MBOAT1: variants seen among roughly 807,000 people sequenced by gnomAD.
The protein encoded by MBOAT1 is membrane bound glycerophospholipid O-acyltransferase 1.
In MBOAT1, 67 loss-of-function variants were observed where a neutral mutation model predicts 64.4. That is an observed-to-expected ratio of 1.04 (90% confidence interval 0.85 to 1.27). The LOEUF is 1.27. MBOAT1 is among the 50% of genes most tolerant of loss of function. MBOAT1 has a pLI of 0.00. For synonymous variants in MBOAT1, 229 were observed against 218.9 expected, an observed-to-expected ratio of 1.05 and a Z score of -0.41; for missense variants, 563 against 604.6, an observed-to-expected ratio of 0.93 and a Z score of 0.72.
At chr6:20,208,383 T>G (rs903921361) in intron 1 of MBOAT1, among the ~76,000 whole-genome samples, 4 of 141,508 alleles carry the variant, frequency 2.8e-5, no homozygotes, top group African/African-American at 1.0e-4. Context: ...GAGGCGGAGG[T>G]TGCACTGAGC....
At chr6:20,115,653 A>G (rs1315648036) in intron 9 of MBOAT1, among the ~76,000 whole-genome samples, 1 of 152,210 alleles carries the variant, frequency 6.6e-6, no homozygotes, top group Non-Finnish European at 1.5e-5. Context: ...AAATTTTTTA[A>G]GCCATCTGAA....
intron 1 of MBOAT1, among the ~76,000 whole-genome samples, chr6:20,180,606 C>T (rs1255295393): frequency 6.6e-6 from 1 of 152,190 alleles, no homozygotes; most frequent in Non-Finnish European, 1.5e-5. Context: ...TGGCACTAAG[C>T]TCAAGACTTG....
intron 6 of MBOAT1, among the ~76,000 whole-genome samples, chr6:20,127,390 C>T (rs986845129): frequency 1.3e-5 from 2 of 152,194 alleles, no homozygotes; most frequent in African/African-American, 4.8e-5. Flanking sequence ...AGCAGGGATT[C>T]CCAACCCCTG....
intron 9 of MBOAT1, 95 bp downstream of exon 9, chr6:20,118,342 T>C (rs2113641016): frequency 1.0e-6 from 1 of 969,620 alleles, no homozygotes; most frequent in Non-Finnish European, 1.6e-6. Flanking sequence ...AGCTTTTCTT[T>C]GGACACATGG....
At chr6:20,123,844 C>T (rs1760566281) in intron 8 of MBOAT1, among the ~76,000 whole-genome samples, 1 of 152,166 alleles carries the variant, frequency 6.6e-6, no homozygotes, top group Non-Finnish European at 1.5e-5. Flanking sequence ...ATCACGACGT[C>T]AGGAGATCGA....
At chr6:20,199,989 A>C (rs1035708354) in intron 1 of MBOAT1, among the ~76,000 whole-genome samples, 17 of 152,198 alleles carry the variant, frequency 1.1e-4, no homozygotes, top group African/African-American at 3.1e-4. Context: ...AAATAATGGA[A>C]TAATGTGCAG....
At chr6:20,103,686 C>T (rs1322693442) in intron 12 of MBOAT1, among the ~76,000 whole-genome samples, 1 of 152,212 alleles carries the variant, frequency 6.6e-6, no homozygotes, top group African/African-American at 2.4e-5. Flanking sequence ...CTCAGCCTCC[C>T]AAACTGCTGG....
At chr6:20,121,976 C>T (rs1046159168) in intron 8 of MBOAT1, among the ~76,000 whole-genome samples, 1 of 151,810 alleles carries the variant, frequency 6.6e-6, no homozygotes, top group East Asian at 1.9e-4. Context: ...ACCAGCCTGG[C>T]CAACATGGTG....
At position 20,152,633 on chromosome 6, in the gene MBOAT1, C is replaced by G. The variant is rs768076958; in HGVS notation, c.236G>C (p.Cys79Ser). 2 of 1,609,390 alleles carry G rather than the reference C, an allele frequency of 1.2e-6. No individual in the cohort carries two copies. The highest frequency in any genetic ancestry group is 4.5e-5 in the East Asian group (2 of 44,510). ...TIFGIYFVIFCFGWYSVHLFV... is the reference protein window; with the variant it reads ...TIFGIYFVIFSFGWYSVHLFV... ...TGAGGCTCATACTCACCAGCCGAAA[C>G]AAAAGATGACAAAATAGATGCCAAA... The change falls in exon 2 of 13, where the codon TGT becomes TCT. Residue 79 changes from cysteine to serine, a missense_variant. Coordinates refer to ENST00000324607, the MANE Select transcript of MBOAT1 (RefSeq NM_001080480.3).
rs533982183 is a variant in MBOAT1, at chr6:20,202,134, C to A, written c.99+10002G>T. 3.9e-5 allele frequency among the ~76,000 whole-genome samples: 6 copies of A among 152,192 alleles called. No homozygotes were observed. In the East Asian group the frequency reaches 1.2e-3, roughly 29 times the overall value. Reference sequence around the variant, plus strand: ...GCAACTTCCTGTAAGCCTTAGCAACCTTTTGCTGTGTACCTTTGCTGACTC... The same window carrying A: ...GCAACTTCCTGTAAGCCTTAGCAACATTTTGCTGTGTACCTTTGCTGACTC... On this transcript the variant is annotated intron_variant, in intron 1 of 12. Transcript: ENST00000324607.
At chr6:20,192,470 C>G (rs1762829140) in intron 1 of MBOAT1, among the ~76,000 whole-genome samples, 2 of 152,172 alleles carry the variant, frequency 1.3e-5, no homozygotes, top group Non-Finnish European at 2.9e-5. Context: ...AAGAGAGTCC[C>G]AAGAACACAT....
chr6:20,111,381 C>T (rs1409636784), intron 11 of MBOAT1, among the ~76,000 whole-genome samples: 1 of 152,152 alleles, frequency 6.6e-6, no homozygotes, highest in African/African-American at 2.4e-5. Flanking sequence ...TGAGATTTTA[C>T]TGGGTCATTT....
chr6:20,131,348 G>C, intron 4 of MBOAT1, 149 bp from the exon 5 acceptor site: 3 of 667,802 alleles, frequency 4.5e-6, no homozygotes, highest in Non-Finnish European at 8.1e-6. Context: ...TTGAATCATG[G>C]GGGCAGTTAC....
chr6:20,126,583 G>A lies in MBOAT1; in HGVS notation c.648C>T (p.His216=), dbSNP rs1363497909. The A allele has an allele frequency of 6.2e-7, 1 of 1,613,808 alleles. No individual in the cohort carries two copies. Among genetic ancestry groups the A allele is most frequent in the African/African-American group, 1.3e-5 (1 of 74,904 alleles). ...TCCAGTTCACCTCCAGCAACTTCAT[G>A]TGTATATGCTTCCCCTCAATGAAGG... ...YIAFIEGKHI[H]MKLLEVNWKR... The change falls in exon 7 of 13, where the codon CAC becomes CAT. Residue 216 remains histidine (H), a synonymous_variant. Coordinates refer to ENST00000324607, the MANE Select transcript of MBOAT1 (RefSeq NM_001080480.3).
At chr6:20,148,889 T>A (rs1399077395) in intron 3 of MBOAT1, among the ~76,000 whole-genome samples, 2 of 151,418 alleles carry the variant, frequency 1.3e-5, no homozygotes, top group African/African-American at 4.9e-5. Context: ...GATCACTAGG[T>A]CAAGAGATTG....
chr6:20,123,927 GGA>G (rs1266019947), intron 8 of MBOAT1, among the ~76,000 whole-genome samples: 1 of 152,086 alleles, frequency 6.6e-6, no homozygotes, highest in Non-Finnish European at 1.5e-5. Context: ...GTGTGGTGGC[GGA>G]CGCCTGTAGT....
intron 1 of MBOAT1, among the ~76,000 whole-genome samples, chr6:20,187,362 A>G (rs948217677): frequency 2.0e-5 from 3 of 152,244 alleles, no homozygotes; most frequent in Admixed American, 1.3e-4. Context: ...TTAAAATTCC[A>G]TAACAAGATA....
At position 20,172,035 on chromosome 6, in the gene MBOAT1, AAAAAACAAAAAC is replaced by A. The variant is rs558845890; in HGVS notation, c.100-19278_100-19267del. ...GAGGCAGAGTGAGATTCTGTCTCTA[AAAAAACAAAAAC>A]AAAAACAAAAACAAACAAGAAGAAG... is the stretch of plus-strand genomic sequence containing the variant. On this transcript the variant is annotated intron_variant, in intron 1 of 12. Coordinates refer to ENST00000324607, the MANE Select transcript of MBOAT1 (RefSeq NM_001080480.3). 9.9e-3 allele frequency among the ~76,000 whole-genome samples: 1,514 copies of A among 152,250 alleles called. 10 individuals carry two copies. The highest frequency in any genetic ancestry group is 0.016 in the Non-Finnish European group (1,082 of 68,012).
chr6:20,118,515 G>A lies in MBOAT1; in HGVS notation c.933C>T (p.Gly311=), dbSNP rs1042872260. The A allele has an allele frequency of 6.2e-7, 1 of 1,613,904 alleles. No homozygotes were observed. Among genetic ancestry groups the A allele is most frequent in the African/African-American group, 1.3e-5 (1 of 75,044 alleles). ...TLADAVNNAA[G]FGFSGVDKNG... Reference sequence around the variant, plus strand: ...TCTTATCCACTCCGCTGAACCCAAAGCCAGCTGCGTTATTCACTGCATCAG... The same window carrying A: ...TCTTATCCACTCCGCTGAACCCAAAACCAGCTGCGTTATTCACTGCATCAG... The change falls in exon 9 of 13, where the codon GGC becomes GGT. Residue 311 remains glycine (G), a synonymous_variant. Coordinates refer to ENST00000324607, the MANE Select transcript of MBOAT1 (RefSeq NM_001080480.3).
Sources: allele counts gnomAD v4.1 joint callset (sites outside exome capture counted in the v4.1 genomes callset), GRCh38; gene constraint gnomAD v4.1.1; transcripts MANE v1.5; gene names NCBI Gene and HGNC (gene_info 2026-07-23, HGNC 2026-07-21).